The following BCL2 variants were observed in gnomAD, a reference collection of about 807,000 sequenced individuals.
BCL2 encodes apoptosis regulator Bcl-2.
In BCL2, 1 loss-of-function variant was observed where a neutral mutation model predicts 14.2. That is an observed-to-expected ratio of 0.07 (90% CI 0.02 to 0.33). The LOEUF is 0.33. Ranked by LOEUF, BCL2 falls within the 10% of genes least tolerant of loss-of-function variation. The pLI, the probability that BCL2 is intolerant of heterozygous loss-of-function variation, is 0.99. For missense variants in BCL2, 247 were observed against 305.9 expected (o/e 0.81, Z 1.44); for synonymous variants, 151 against 137.2 (o/e 1.10, Z -0.70).
chr18:63,182,727 A>G (rs1157212334), intron 2 of BCL2, among the ~76,000 whole-genome samples: 1 of 152,208 alleles, frequency 6.6e-6, no homozygotes, highest in East Asian at 1.9e-4. Flanking sequence ...TATTACACAC[A>G]CAAACATGCA....
rs1465916165 is a variant in BCL2 at position 63,149,245 on chromosome 18, A to G, written c.586-20486T>C. 1.3e-5 allele frequency among the ~76,000 whole-genome samples: 2 copies of G among 152,196 alleles called. No homozygotes were observed. The highest frequency in any genetic ancestry group is 4.8e-5 in the African/African-American group (2 of 41,450). ...TCAGGATGAAACTGTTCCAACACAG[A>G]TCATCAGGCATTCGGTTCCCATAAG... On this transcript the variant is annotated intron_variant, in intron 2 of 2. Coordinates refer to ENST00000333681, the MANE Select transcript of BCL2 (RefSeq NM_000633.3). The surrounding 1 kb of genome is among the most constrained non-coding windows in gnomAD (Gnocchi z 4.2).
chr18:63,298,166 T>C (rs951284729), intron 2 of BCL2, among the ~76,000 whole-genome samples: 1 of 152,180 alleles, frequency 6.6e-6, no homozygotes, highest in Non-Finnish European at 1.5e-5. Flanking sequence ...CTGGGGTAAA[T>C]GAGTGAAGGA....
intron 2 of BCL2, among the ~76,000 whole-genome samples, chr18:63,211,619 C>T (rs1410793148): frequency 6.6e-6 from 1 of 152,208 alleles, no homozygotes; most frequent in Admixed American, 6.5e-5. Context: ...GGGCGGGGGG[C>T]TCTGGCTTCG....
chr18:63,139,910 G>A (rs775651014), intron 2 of BCL2, among the ~76,000 whole-genome samples: 3 of 152,132 alleles, frequency 2.0e-5, no homozygotes, highest in Non-Finnish European at 4.4e-5. Flanking sequence ...TGTTGGACAT[G>A]AAAATATGTC....
upstream of BCL2, chr18:63,320,021 C>G (rs1555711515): frequency 6.7e-6 from 1 of 149,444 alleles, no homozygotes; most frequent in Non-Finnish European, 1.5e-5. Flanking sequence ...GCCCGGAGCC[C>G]CGGCACCTTC....
intron 2 of BCL2, among the ~76,000 whole-genome samples, chr18:63,251,033 C>A: frequency 6.6e-6 from 1 of 151,980 alleles, no homozygotes; most frequent in East Asian, 1.9e-4. Flanking sequence ...TATGAATTGA[C>A]GTAAGACAAA....
At chr18:63,316,615 T>C (rs1913504596) in intron 2 of BCL2, 2 of 152,246 alleles carry the variant, frequency 1.3e-5, no homozygotes, top group Non-Finnish European at 2.9e-5. Context: ...TTTTAGTTAA[T>C]CTTACTTTTA....
rs1913630019 is a variant in BCL2, at chr18:63,319,580, T to G, written c.-693A>C. 1 of 227,448 alleles carries G rather than the reference T, an allele frequency of 4.4e-6. No individual in the cohort carries two copies. The highest frequency in any genetic ancestry group is 5.7e-5 in the Admixed American group (1 of 17,584). 14.1% of individuals were successfully genotyped at this position (227,448 alleles called of 1,614,324 possible). ...TCTATCCACGGGACCGCTTCACGCC[T>G]CCCCAGGAGAGAGACAGGGGAGAGG... On this transcript the variant is annotated 5_prime_UTR_variant, in exon 1 of 3. Transcript: ENST00000333681.
At chr18:63,183,726 G>C (rs949560716) in intron 2 of BCL2, among the ~76,000 whole-genome samples, 1 of 152,138 alleles carries the variant, frequency 6.6e-6, no homozygotes, top group African/African-American at 2.4e-5. Context: ...GGGGGCGGGG[G>C]GCTTAAACAG....
At chr18:63,136,806 C>T (rs1914221238) in intron 2 of BCL2, among the ~76,000 whole-genome samples, 1 of 152,210 alleles carries the variant, frequency 6.6e-6, no homozygotes, top group Admixed American at 6.5e-5. Context: ...GCACTCCTAG[C>T]TGGCCATGTC....
chr18:63,317,863 G>C (rs1913544764), intron 2 of BCL2: 1 of 1,408,966 alleles, frequency 7.1e-7, no homozygotes, highest in Admixed American at 3.0e-5. Context: ...TCCACGACTA[G>C]CAAGCAAGTT....
chr18:63,180,029 C>T (rs9962656), intron 2 of BCL2, among the ~76,000 whole-genome samples: 1 of 151,956 alleles, frequency 6.6e-6, no homozygotes, highest in African/African-American at 2.4e-5. Context: ...CCCCAAGTTA[C>T]AAAAGCACAT....
At chr18:63,302,216 C>A (rs773322722) in intron 2 of BCL2, 32 of 482,734 alleles carry the variant, frequency 6.6e-5, no homozygotes, top group Middle Eastern at 9.9e-4. Context: ...GCCTGTAATC[C>A]CAGCTACTCG....
intron 2 of BCL2, among the ~76,000 whole-genome samples, chr18:63,152,510 T>C (rs1426636304): frequency 6.6e-6 from 1 of 152,232 alleles, no homozygotes; most frequent in Non-Finnish European, 1.5e-5. Context: ...AAGAACCATA[T>C]CTAAGTCAAG....
chr18:63,302,853 C>G (rs1413550768), intron 2 of BCL2: 4 of 985,210 alleles, frequency 4.1e-6, no homozygotes, highest in Admixed American at 1.2e-4. Context: ...GCATCCTGTT[C>G]AAATGTTATT....
At chr18:63,142,387 A>G (rs1914388787) in intron 2 of BCL2, among the ~76,000 whole-genome samples, 1 of 152,236 alleles carries the variant, frequency 6.6e-6, no homozygotes, top group African/African-American at 2.4e-5. Flanking sequence ...TCCACACTGC[A>G]TTAGCTCCAG....
intron 2 of BCL2, among the ~76,000 whole-genome samples, chr18:63,139,316 G>T (rs990517393): frequency 2.0e-5 from 3 of 152,204 alleles, no homozygotes; most frequent in African/African-American, 7.2e-5. Flanking sequence ...TATGCTATTT[G>T]GTTCACCAGG....
chr18:63,274,147 A>T (rs1912082239), intron 2 of BCL2, among the ~76,000 whole-genome samples: 1 of 152,018 alleles, frequency 6.6e-6, no homozygotes, highest in Admixed American at 6.5e-5. Flanking sequence ...CTATCCTCTG[A>T]GTTGGCCAAA....
intron 2 of BCL2, among the ~76,000 whole-genome samples, chr18:63,192,579 C>G (rs2144653122): frequency 6.6e-6 from 1 of 152,294 alleles, no homozygotes; most frequent in Non-Finnish European, 1.5e-5. Context: ...AGGTGCACGT[C>G]TATCCCTTGG....
Sources: gnomAD v4.1 joint callset for allele counts (sites outside exome capture counted in the v4.1 genomes callset) on GRCh38, gnomAD v4.1.1 for gene constraint, Gnocchi (gnomAD v3.1) non-coding constraint, MANE v1.5 for transcripts, NCBI Gene and HGNC (gene_info 2026-07-23, HGNC 2026-07-21) for gene names.